The following EPHA5 variants were observed in gnomAD, a reference collection of about 807,000 sequenced individuals.
The protein encoded by EPHA5 is EPH receptor A5, also known as ephrin type-A receptor 5.
In EPHA5, 60 loss-of-function variants were observed where a neutral mutation model predicts 105.0. The ratio of observed to expected loss-of-function variants is 0.57; its 90% CI spans 0.46 to 0.71. The LOEUF (loss-of-function observed/expected upper bound fraction) is 0.71, where lower values mean the gene tolerates loss of function less well. Among genes scored for constraint, EPHA5 ranks in the 30% least tolerant of loss-of-function variants. EPHA5 has a pLI of 0.00. For missense variants in EPHA5, 1,218 were observed against 1,274.7 expected, an observed-to-expected ratio of 0.96 and a Z score of 0.68; for synonymous variants, 513 against 449.1, an observed-to-expected ratio of 1.14 and a Z score of -1.80.
In EPHA5 at chr4:65,364,946, C is replaced by T. The variant is rs1717715880; in HGVS notation, c.2173+71G>A. 4.0e-6 allele frequency: 5 copies of T among 1,259,186 alleles called. No homozygotes were observed. The South Asian group carries it at 7.7e-5, about 20-fold the overall frequency. The allele number at this position is 1,259,186 out of a possible 1,614,324, so 78.0% of individuals were successfully genotyped here. On this transcript the variant is annotated intron_variant, in intron 11 of 16. Coordinates refer to ENST00000613740, the MANE Select transcript of EPHA5 (RefSeq NM_001281766.3). ...TATTACAATCTTGGTTTCTCTTTAC[C>T]CTAAATTAATAATAATCTAGACAGA...
intron 2 of EPHA5, among the ~76,000 whole-genome samples, chr4:65,617,045 T>C (rs919899229): frequency 1.3e-5 from 2 of 152,130 alleles, no homozygotes; most frequent in African/African-American, 4.8e-5. Context: ...ACTTGTATTG[T>C]GGGATAACTC....
At chr4:65,614,637 T>G (rs1177794550) in intron 2 of EPHA5, among the ~76,000 whole-genome samples, 1 of 151,884 alleles carries the variant, frequency 6.6e-6, no homozygotes, top group East Asian at 1.9e-4. Flanking sequence ...ATGCTAAATA[T>G]AGGCTAATGC....
intron 3 of EPHA5, among the ~76,000 whole-genome samples, chr4:65,497,158 T>C (rs1732027853): frequency 6.6e-6 from 1 of 152,274 alleles, no homozygotes; most frequent in South Asian, 2.1e-4. Context: ...TCACTACATA[T>C]ACTGAAGTAT....
At chr4:65,340,940 C>T (rs566461266) in intron 14 of EPHA5, among the ~76,000 whole-genome samples, 4 of 152,166 alleles carry the variant, frequency 2.6e-5, no homozygotes, top group African/African-American at 9.6e-5. Context: ...AATAAGACTC[C>T]TTTAGAACGG....
At chr4:65,431,549 C>G (rs1724977910) in intron 5 of EPHA5, among the ~76,000 whole-genome samples, 1 of 151,884 alleles carries the variant, frequency 6.6e-6, no homozygotes, top group Non-Finnish European at 1.5e-5. Flanking sequence ...ACAGGTCTTC[C>G]CACCGAAGAA....
intron 3 of EPHA5, among the ~76,000 whole-genome samples, chr4:65,553,763 A>G (rs1445943340): frequency 6.6e-6 from 1 of 152,086 alleles, no homozygotes; most frequent in Non-Finnish European, 1.5e-5. Flanking sequence ...TTTCGGATGT[A>G]GGACCTCAAG....
intron 2 of EPHA5, among the ~76,000 whole-genome samples, chr4:65,636,984 T>C (rs927256413): frequency 6.6e-6 from 1 of 151,972 alleles, no homozygotes; most frequent in African/African-American, 2.4e-5. Context: ...TGCATAAAAT[T>C]TGCTGTAACA....
intron 5 of EPHA5, among the ~76,000 whole-genome samples, chr4:65,467,861 G>C (rs1359865010): frequency 6.6e-6 from 1 of 152,198 alleles, no homozygotes; most frequent in African/African-American, 2.4e-5. Context: ...GGGGGCTGAA[G>C]ATGAGGTCAG....
intron 8 of EPHA5, among the ~76,000 whole-genome samples, chr4:65,376,324 G>A (rs1226980503): frequency 6.6e-6 from 1 of 151,994 alleles, no homozygotes; most frequent in Non-Finnish European, 1.5e-5. Context: ...CTCCCATTGT[G>A]TAGGAGTTCC....
At position 65,567,303 on chromosome 4, in the gene EPHA5, A is replaced by G. The variant is rs553868670; in HGVS notation, c.910+34338T>C. Among the ~76,000 whole-genome samples the G allele has an allele frequency of 3.2e-4, 49 of 151,800 alleles. 1 individual carries two copies. The highest frequency in any genetic ancestry group is 3.4e-3 in the Middle Eastern group (1 of 294). ...CTCTTCCGTCATTCAACAAGGTTTC[A>G]TCAGAGCACTTATATTCTAAGTTTT... is the stretch of plus-strand genomic sequence containing the variant. On this transcript the variant is annotated intron_variant, in intron 3 of 16. Transcript: ENST00000613740.
chr4:65,621,181 C>A (rs929456272), intron 2 of EPHA5, among the ~76,000 whole-genome samples: 2 of 152,062 alleles, frequency 1.3e-5, no homozygotes, highest in African/African-American at 4.8e-5. Flanking sequence ...CAAGGTTAAA[C>A]AGAATAAGAT....
At position 65,493,172 on chromosome 4, in the gene EPHA5, A is replaced by G. The variant is rs555361210; in HGVS notation, c.1066+2216T>C. Among the ~76,000 whole-genome samples, 7 of 152,240 alleles carry G rather than the reference A, an allele frequency of 4.6e-5. No individual in the cohort carries two copies. In the South Asian group the frequency reaches 1.2e-3, roughly 27 times the overall value. The stretch of plus-strand genomic sequence containing the variant: ...TCAAACTCAAGTGAAACCCTAAAAT[A>G]GAGGTAAAAAGTGGAAGCTCGAACT... On this transcript the variant is annotated intron_variant, in intron 4 of 16. Transcript: ENST00000613740.
intron 3 of EPHA5, among the ~76,000 whole-genome samples, chr4:65,519,424 C>G (rs1452539171): frequency 6.6e-6 from 1 of 152,106 alleles, no homozygotes; most frequent in African/African-American, 2.4e-5. Context: ...CAATATCATA[C>G]TGAAAGGGCA....
rs1311162748 is a variant in EPHA5, at chr4:65,348,659, G to GGTATATAT, written c.2446-457_2446-456insATATATAC. Among the ~76,000 whole-genome samples, 12 of 60,224 alleles carry GGTATATAT rather than the reference G, an allele frequency of 2.0e-4. 2 individuals carry two copies. The highest frequency in any genetic ancestry group is 3.0e-4 in the Non-Finnish European group (9 of 30,150). 39.5% of individuals were successfully genotyped at this position (60,224 alleles called of 152,430 possible). On this transcript the variant is annotated intron_variant, in intron 13 of 16. Coordinates refer to ENST00000613740, the MANE Select transcript of EPHA5 (RefSeq NM_001281766.3). ...TAATAAGAAAAGCATAAACATTGGA[G>GGTATATAT]ATATATATATATATATATATATATA...
At chr4:65,570,862 CTT>C (rs546503955) in intron 3 of EPHA5, among the ~76,000 whole-genome samples, 53 of 151,946 alleles carry the variant, frequency 3.5e-4, no homozygotes, top group African/African-American at 1.2e-3. Flanking sequence ...TAATAACAAA[CTT>C]AAGTTTAAGG....
intron 11 of EPHA5, among the ~76,000 whole-genome samples, chr4:65,353,630 A>T (rs1723036523): frequency 6.6e-6 from 1 of 151,700 alleles, no homozygotes; most frequent in African/African-American, 2.4e-5. Flanking sequence ...ATAATGATAT[A>T]ATGTATCCAA....
chr4:65,547,544 G>T (rs1484378034), intron 3 of EPHA5, among the ~76,000 whole-genome samples: 1 of 151,684 alleles, frequency 6.6e-6, no homozygotes, highest in Non-Finnish European at 1.5e-5. Context: ...GTCATTTCTG[G>T]TATCTTTCAT....
intron 8 of EPHA5, among the ~76,000 whole-genome samples, chr4:65,374,914 T>G (rs1398283460): frequency 6.6e-6 from 1 of 151,884 alleles, no homozygotes; most frequent in African/African-American, 2.4e-5. Context: ...TTCTTAGTAT[T>G]TTACTGACTC....
chr4:65,573,453 T>C, intron 3 of EPHA5: 1 of 1,284,162 alleles, frequency 7.8e-7, no homozygotes, highest in Non-Finnish European at 1.1e-6. Flanking sequence ...TTTCCCATCT[T>C]GCAAGATGGC....
Sources: allele counts gnomAD v4.1 joint callset (sites outside exome capture counted in the v4.1 genomes callset), GRCh38; gene constraint gnomAD v4.1.1; transcripts MANE v1.5; gene names NCBI Gene and HGNC (gene_info 2026-07-23, HGNC 2026-07-21).